Variants in PLCG2 observed in about 807,000 individuals in gnomAD.
PLCG2 encodes the protein 1-phosphatidylinositol 4,5-bisphosphate phosphodiesterase gamma-2.
A neutral mutation model predicts 175.6 loss-of-function variants in PLCG2; 69 were observed. That is an observed-to-expected ratio of 0.39 (90% CI 0.32 to 0.48). The LOEUF is 0.48. Ranked by LOEUF, PLCG2 falls within the 20% of genes least tolerant of loss-of-function variation. The pLI, the probability that PLCG2 is intolerant of heterozygous loss-of-function variation, is 0.91. For missense variants in PLCG2, 1,798 were observed against 1,650.9 expected (o/e 1.09, Z -1.54); for synonymous variants, 827 against 624.0 (o/e 1.33, Z -4.85).
intron 2 of PLCG2, among the ~76,000 whole-genome samples, chr16:81,836,057 G>A (rs888563697): frequency 2.0e-5 from 3 of 152,142 alleles, no homozygotes; most frequent in African/African-American, 7.2e-5. Flanking sequence ...GTATGTTTTT[G>A]GGGGATGCAG....
At chr16:81,858,719 A>G (rs1266968900) in intron 4 of PLCG2, among the ~76,000 whole-genome samples, 3 of 152,210 alleles carry the variant, frequency 2.0e-5, no homozygotes, top group South Asian at 4.1e-4. Flanking sequence ...TTTTCCACCT[A>G]TCACTCCCTC....
chr16:81,924,251 G>T (rs578245858), intron 22 of PLCG2, among the ~76,000 whole-genome samples: 19 of 152,278 alleles, frequency 1.2e-4, no homozygotes, highest in Non-Finnish European at 2.4e-4. Context: ...CTGTCTGAGA[G>T]CAATAAGAAC....
chr16:81,771,797 T>G (rs1026637377), intron 2 of PLCG2, among the ~76,000 whole-genome samples: 4 of 152,118 alleles, frequency 2.6e-5, no homozygotes, highest in African/African-American at 7.2e-5. Flanking sequence ...TTTGTTTGTT[T>G]TTTTGAGTTG....
chr16:81,802,660 C>G (rs1444265653), intron 2 of PLCG2, among the ~76,000 whole-genome samples: 1 of 151,902 alleles, frequency 6.6e-6, no homozygotes, highest in African/African-American at 2.4e-5. Context: ...CAACCTCTGC[C>G]TCCCAGGTTC....
Position 81,931,625 on chromosome 16 carries a change from C to G in PLCG2, c.2710C>G (p.Arg904Gly). The G allele has an allele frequency of 4.3e-6, 7 of 1,613,914 alleles. No homozygotes were observed. The highest frequency in any genetic ancestry group is 1.3e-5 in the African/African-American group (1 of 74,996). The change falls in exon 25 of 33, where the codon CGA becomes GGA. Residue 904 changes from arginine (R) to glycine (G), a missense_variant. Coordinates refer to ENST00000564138, the MANE Select transcript of PLCG2 (RefSeq NM_002661.5). Reference sequence around the variant, plus strand: ...GCTCTTTGAGTGGTTTCAGAGCATCCGAGAGATCACCTGGAAGATTGACAC... The same window carrying G: ...GCTCTTTGAGTGGTTTCAGAGCATCGGAGAGATCACCTGGAAGATTGACAC... ...EELFEWFQSI[R>G]EITWKIDTKE...
intron 2 of PLCG2, among the ~76,000 whole-genome samples, chr16:81,846,009 A>T (rs1906095633): frequency 6.6e-6 from 1 of 152,184 alleles, no homozygotes; most frequent in African/African-American, 2.4e-5. Flanking sequence ...CCTGCCTCAT[A>T]GTGTTCTTGT....
At chr16:81,791,156 A>G (rs1199782075) in intron 2 of PLCG2, among the ~76,000 whole-genome samples, 2 of 152,148 alleles carry the variant, frequency 1.3e-5, no homozygotes, top group Middle Eastern at 3.2e-3. Flanking sequence ...AGAGGGGGAG[A>G]CAGACTCAAA....
intron 2 of PLCG2, among the ~76,000 whole-genome samples, chr16:81,799,144 T>TC (rs772250835): frequency 6.6e-6 from 1 of 152,182 alleles, no homozygotes; most frequent in Non-Finnish European, 1.5e-5. Flanking sequence ...AACTGCTTTT[T>TC]CCCCCTCATT....
At chr16:81,741,051 C>T (rs1287245935) in intron 1 of PLCG2, among the ~76,000 whole-genome samples, 1 of 152,154 alleles carries the variant, frequency 6.6e-6, no homozygotes, top group Admixed American at 6.5e-5. Flanking sequence ...CAAGGCAGTC[C>T]CCTTCCTCCA....
chr16:81,917,853 C>T (rs1909905685), intron 19 of PLCG2, among the ~76,000 whole-genome samples: 3 of 152,108 alleles, frequency 2.0e-5, no homozygotes, highest in Admixed American at 1.3e-4. Flanking sequence ...TCCCGAGTAG[C>T]TGGGACTACA....
In PLCG2 at chr16:81,805,511, A is replaced by C. The variant is rs530460299; in HGVS notation, c.193+19329A>C. Among the ~76,000 whole-genome samples the C allele has an allele frequency of 9.9e-5, 15 of 151,064 alleles. 1 individual carries two copies. Among genetic ancestry groups the C allele is most frequent in the Admixed American group, 8.6e-4 (13 of 15,184 alleles). On this transcript the variant is annotated intron_variant, in intron 2 of 32. Transcript: ENST00000564138. Reference sequence around the variant, plus strand: ...GAGACTCCATCTCAGAAAAAAAAAAAAAAAAAACAAAACGCAAGAAAACAA... The same window carrying C: ...GAGACTCCATCTCAGAAAAAAAAAACAAAAAAACAAAACGCAAGAAAACAA...
intron 2 of PLCG2, among the ~76,000 whole-genome samples, chr16:81,829,907 C>T (rs780771607): frequency 1.6e-4 from 25 of 151,656 alleles, no homozygotes; most frequent in African/African-American, 1.7e-4. Flanking sequence ...AGTGCCAAAT[C>T]GCTCTCTAGG....
At chr16:81,858,451 A>C (rs1205252061) in intron 4 of PLCG2, 95 bp downstream of exon 4, 2 of 865,084 alleles carry the variant, frequency 2.3e-6, no homozygotes, top group African/African-American at 1.7e-5. Flanking sequence ...AAAAAAAAAA[A>C]GGGACATTGG....
At chr16:81,880,482 G>A (rs1218300792) in intron 7 of PLCG2, among the ~76,000 whole-genome samples, 6 of 152,264 alleles carry the variant, frequency 3.9e-5, no homozygotes. Context: ...CAAAAATCAA[G>A]TGACATGCTT....
chr16:81,870,827 G>A (rs761720138), intron 6 of PLCG2, 25 bp from the exon 7 acceptor site: 8 of 1,312,646 alleles, frequency 6.1e-6, no homozygotes, highest in East Asian at 2.4e-5. Flanking sequence ...CAAAAATCAT[G>A]TGGTCACTTT....
At chr16:81,838,367 A>G (rs1414989292) in intron 2 of PLCG2, among the ~76,000 whole-genome samples, 39 of 152,204 alleles carry the variant, frequency 2.6e-4, no homozygotes, top group Admixed American at 2.6e-3. Context: ...GATTACAGGC[A>G]TGAGCCGCCG....
chr16:81,839,138 T>C (rs1905686456), intron 2 of PLCG2, among the ~76,000 whole-genome samples: 1 of 152,228 alleles, frequency 6.6e-6, no homozygotes, highest in South Asian at 2.1e-4. Context: ...TGAGTGTTAC[T>C]GGTTTTCTTT....
chr16:81,921,395 T>A (rs752317980), intron 21 of PLCG2, 126 bp downstream of exon 21: 1 of 714,476 alleles, frequency 1.4e-6, no homozygotes, highest in African/African-American at 1.8e-5. Flanking sequence ...AAAATAATTT[T>A]TTTTTTTTTT....
chr16:81,910,025 G>C (rs980510686), intron 17 of PLCG2, among the ~76,000 whole-genome samples: 1 of 143,508 alleles, frequency 7.0e-6, no homozygotes, highest in African/African-American at 2.5e-5. Flanking sequence ...TGGGGTGGGG[G>C]AAGTAGGTAG....
Sources: gnomAD v4.1 joint callset for allele counts (sites outside exome capture counted in the v4.1 genomes callset) on GRCh38, gnomAD v4.1.1 for gene constraint, MANE v1.5 for transcripts, NCBI Gene and HGNC (gene_info 2026-07-23, HGNC 2026-07-21) for gene names.